The following IL22RA1 variants were observed in gnomAD, a reference collection of about 807,000 sequenced individuals.
The protein encoded by IL22RA1 is interleukin-22 receptor subunit alpha-1.
Under a neutral mutation model 32.8 loss-of-function variants are expected in IL22RA1, and 25 were observed. The ratio of observed to expected loss-of-function variants is 0.76; its 90% confidence interval spans 0.55 to 1.06. The LOEUF (loss-of-function observed/expected upper bound fraction) is 1.06. Among genes scored for constraint, IL22RA1 ranks in the 50% least tolerant of loss-of-function variants. The pLI is 0.00. For missense variants in IL22RA1, 709 were observed against 727.4 expected (o/e 0.97, Z 0.29); for synonymous variants, 305 against 305.0 (o/e 1.00, Z 0.00).
At chr1:24,137,035 C>G in intron 3 of IL22RA1, 96 bp downstream of exon 3, 1 of 1,243,696 alleles carries the variant, frequency 8.0e-7, no homozygotes, top group Non-Finnish European at 1.1e-6. Flanking sequence ...CCTTCTGGAC[C>G]CTCCACCCAC....
At chr1:24,126,549 C>CGAA (rs1644162898) in intron 5 of IL22RA1, among the ~76,000 whole-genome samples, 1 of 152,226 alleles carries the variant, frequency 6.6e-6, no homozygotes, top group African/African-American at 2.4e-5. Flanking sequence ...CGTGCCTTCT[C>CGAA]ATTCCTCACA....
Position 24,120,000 on chromosome 1 carries a change from G to A in IL22RA1, c.*805C>T, listed in dbSNP as rs1402025870. On this transcript the variant is annotated 3_prime_UTR_variant, in exon 7 of 7. Transcript: ENST00000270800. ...CCAGATGGGCTGAACCCAAGGCAGA[G>A]CTTGCAAAGTTGTGACATCAGTACA... 6.6e-6 allele frequency: 1 copy of A among 152,272 alleles called. No individual in the cohort carries two copies. The highest frequency in any genetic ancestry group is 2.4e-5 in the African/African-American group (1 of 41,462). The allele number at this position is 152,272 out of a possible 1,614,324, so 9.4% of individuals were successfully genotyped here. A position where few individuals can be genotyped will look rare whatever the true frequency, so the allele number is the denominator to read the frequency against.
intron 5 of IL22RA1, among the ~76,000 whole-genome samples, chr1:24,126,539 C>T (rs1160553388): frequency 2.0e-5 from 3 of 152,178 alleles, no homozygotes; most frequent in Non-Finnish European, 4.4e-5. Context: ...TGACTAATAC[C>T]GTGCCTTCTC....
chr1:24,135,463 C>G (rs1254825410), intron 3 of IL22RA1, among the ~76,000 whole-genome samples: 1 of 152,046 alleles, frequency 6.6e-6, no homozygotes, highest in Non-Finnish European at 1.5e-5. Context: ...TTTTTATTTT[C>G]TTAAAAAGCT....
chr1:24,136,953 A>G (rs943239191), intron 3 of IL22RA1, among the ~76,000 whole-genome samples, 178 bp downstream of exon 3: 10 of 150,268 alleles, frequency 6.7e-5, no homozygotes, highest in African/African-American at 2.5e-4. Flanking sequence ...CTAGGAACAC[A>G]CTGTAATTGG....
Position 24,128,239 on chromosome 1 carries a change from A to G in IL22RA1, c.572T>C (p.Leu191Pro), listed in dbSNP as rs748813374. 6.2e-6 allele frequency: 10 copies of G among 1,611,480 alleles called. No individual in the cohort carries two copies. The South Asian group carries it at 9.9e-5, about 16-fold the overall frequency. ...GKQREYEFFGLTPDTEFLGTI... is the reference protein window; with the variant it reads ...GKQREYEFFGPTPDTEFLGTI... ...GCCAAGGAACTCTGTGTCAGGGGTC[A>G]GGCCGAAGAACTCATATTCTCTCTG... Residue 191 changes from leucine to proline, a missense_variant, in exon 5 of 7, where the codon CTG becomes CCG. Leu to Pro is a moderately conservative substitution (Grantham distance 98). Coordinates refer to ENST00000270800, the MANE Select transcript of IL22RA1 (RefSeq NM_021258.4).
At position 24,121,521 on chromosome 1, in the gene IL22RA1, GC is replaced by G; in HGVS notation, c.1008del (p.Gln336HisfsTer33). 1 of 1,589,756 alleles carries G rather than the reference GC, an allele frequency of 6.3e-7. No individual in the cohort carries two copies. Among genetic ancestry groups the G allele is most frequent in the Non-Finnish European group, 8.6e-7 (1 of 1,164,292 alleles). ...YLGQPDISIL[Q>X]PSNVPPPQIL... ...ATCTGGGGAGGTGGCACGTTGGAGG[GC>G]TGGAGGATGGAGATGTCTGGCTGCC... On this transcript the variant is annotated frameshift_variant, in exon 7 of 7. Coordinates refer to ENST00000270800, the MANE Select transcript of IL22RA1 (RefSeq NM_021258.4). LOFTEE classifies it low-confidence loss of function (END_TRUNC).
At chr1:24,140,075 C>T (rs978344315) in intron 1 of IL22RA1, among the ~76,000 whole-genome samples, 2 of 152,206 alleles carry the variant, frequency 1.3e-5, no homozygotes, top group African/African-American at 4.8e-5. Context: ...GAAAGACAAA[C>T]AACAATGACA....
At position 24,121,710 on chromosome 1, in the gene IL22RA1, G is replaced by A; in HGVS notation, c.820C>T (p.Pro274Ser). The A allele has an allele frequency of 4.5e-6, 7 of 1,557,954 alleles. No homozygotes were observed. The highest frequency in any genetic ancestry group is 6.1e-6 in the Non-Finnish European group (7 of 1,148,410). Residue 274 changes from proline to serine, a missense_variant, in exon 7 of 7, where the codon CCG becomes TCG. Physicochemically the swap from Pro to Ser is moderately conservative, Grantham distance 74. Coordinates refer to ENST00000270800, the MANE Select transcript of IL22RA1 (RefSeq NM_021258.4). ...LNVQRVLTFQ[P>S]LRFIQEHVLI... ...ACGTGCTCCTGGATGAAGCGCAGCG[G>A]CTGGAAAGTCAGGACTCGCTGGACG...
intron 5 of IL22RA1, among the ~76,000 whole-genome samples, chr1:24,124,062 A>C (rs1401180957): frequency 6.6e-6 from 1 of 152,186 alleles, no homozygotes; most frequent in Non-Finnish European, 1.5e-5. Flanking sequence ...TGATCTAGAA[A>C]GGAGGTCACA....
chr1:24,136,186 C>T (rs1316650472), intron 3 of IL22RA1, among the ~76,000 whole-genome samples: 1 of 152,124 alleles, frequency 6.6e-6, no homozygotes, highest in Non-Finnish European at 1.5e-5. Context: ...AACTCCTAGG[C>T]TCAAGTGATC....
In IL22RA1 at chr1:24,121,549, T is replaced by C; in HGVS notation, c.981A>G (p.Leu327=). 2 of 1,605,128 alleles carry C rather than the reference T, an allele frequency of 1.2e-6. No individual in the cohort carries two copies. The highest frequency in any genetic ancestry group is 8.5e-7 in the Non-Finnish European group (1 of 1,174,312). ...GGAGGATGGAGATGTCTGGCTGCCC[T>C]AAGTAGGTGATCTCGGACAGGCTAT... The part of the protein sequence containing the change: ...QRHSLSEITY[L]GQPDISILQP... The change falls in exon 7 of 7, where the codon TTA becomes TTG. Residue 327 remains leucine (L), a synonymous_variant. Coordinates refer to ENST00000270800, the MANE Select transcript of IL22RA1 (RefSeq NM_021258.4).
rs562138183 is a variant in IL22RA1, at chr1:24,133,110, A to G, written c.531+1101T>C. 1.7e-4 allele frequency among the ~76,000 whole-genome samples: 26 copies of G among 151,592 alleles called. No homozygotes were observed. In the South Asian group the frequency reaches 4.0e-3, roughly 23 times the overall value. On this transcript the variant is annotated intron_variant, in intron 4 of 6. Transcript: ENST00000270800. ...TACCTGGCATGCCTCAGAAATTGATACTGGCTTCCAGAAAGCCAATACCAA... is the reference window on the plus strand; with the variant it reads ...TACCTGGCATGCCTCAGAAATTGATGCTGGCTTCCAGAAAGCCAATACCAA...
At chr1:24,123,184 G>A (rs772368129) in intron 6 of IL22RA1, 118 bp downstream of exon 6, 1 of 1,386,340 alleles carries the variant, frequency 7.2e-7, no homozygotes. Flanking sequence ...CGTGAATGGA[G>A]AGAGCAGGCC....
chr1:24,123,592 C>A (rs1644141659), intron 5 of IL22RA1, 169 bp from the exon 6 acceptor site: 7 of 1,356,860 alleles, frequency 5.2e-6, no homozygotes, highest in South Asian at 1.6e-5. Flanking sequence ...TACTGTACAT[C>A]TAAATAGTCA....
chr1:24,130,938 C>T (rs1644200015), intron 4 of IL22RA1, among the ~76,000 whole-genome samples: 1 of 152,208 alleles, frequency 6.6e-6, no homozygotes, highest in African/African-American at 2.4e-5. Flanking sequence ...CTCCTGACCT[C>T]AAGTGATCCA....
At chr1:24,132,144 C>T (rs547326743) in intron 4 of IL22RA1, among the ~76,000 whole-genome samples, 4 of 152,098 alleles carry the variant, frequency 2.6e-5, no homozygotes, top group Non-Finnish European at 4.4e-5. Flanking sequence ...GGTCCCTCCA[C>T]GTCAGAGGTT....
rs1644121956 is a variant in IL22RA1 at position 24,121,534 on chromosome 1, G to C, written c.996C>G (p.Ile332Met). Residue 332 changes from isoleucine (I) to methionine (M), a missense_variant, in exon 7 of 7, where the codon ATC (isoleucine) becomes ATG (methionine). By Grantham distance (10) the Ile-to-Met change is conservative (BLOSUM62 1). Coordinates refer to ENST00000270800, the MANE Select transcript of IL22RA1 (RefSeq NM_021258.4). ...GCACGTTGGAGGGCTGGAGGATGGA[G>C]ATGTCTGGCTGCCCTAAGTAGGTGA... ...SEITYLGQPD[I>M]SILQPSNVPP... The C allele has an allele frequency of 6.3e-7, 1 of 1,596,152 alleles. No individual in the cohort carries two copies. Among genetic ancestry groups the C allele is most frequent in the Non-Finnish European group, 8.6e-7 (1 of 1,168,104 alleles).
intron 3 of IL22RA1, among the ~76,000 whole-genome samples, chr1:24,136,080 G>A (rs1056220850): frequency 2.8e-4 from 42 of 152,126 alleles, no homozygotes; most frequent in African/African-American, 9.9e-4. Flanking sequence ...TCAACCTCCT[G>A]AGTAGCTGGG....
Sources: allele counts gnomAD v4.1 joint callset (sites outside exome capture counted in the v4.1 genomes callset), GRCh38; gene constraint gnomAD v4.1.1; transcripts MANE v1.5; gene names NCBI Gene and HGNC (gene_info 2026-07-23, HGNC 2026-07-21).